The following CEP120 variants were observed in gnomAD, a reference collection of about 807,000 sequenced individuals.
CEP120 encodes centrosomal protein 120.
CEP120 carries 113 observed loss-of-function variants against 126.5 expected under a neutral mutation model. The observed-to-expected ratio is 0.89, with a 90% CI of 0.77 to 1.04. The LOEUF is 1.04. Ranked by LOEUF, CEP120 falls within the 50% of genes least tolerant of loss-of-function variation. The pLI, the probability that CEP120 is intolerant of heterozygous loss-of-function variation, is 0.00. For synonymous variants in CEP120, 400 were observed against 394.3 expected (o/e 1.01, Z -0.17); for missense variants, 1,230 against 1,155.7 (o/e 1.06, Z -0.93).
At chr5:123,400,225 T>C (rs983208460) in intron 4 of CEP120, among the ~76,000 whole-genome samples, 5 of 152,142 alleles carry the variant, frequency 3.3e-5, no homozygotes, top group African/African-American at 1.2e-4. Context: ...AGACCAAGGT[T>C]CCAATCCCAG....
At chr5:123,395,058 G>T (rs1772683393) in intron 5 of CEP120, among the ~76,000 whole-genome samples, 1 of 152,182 alleles carries the variant, frequency 6.6e-6, no homozygotes, top group African/African-American at 2.4e-5. Flanking sequence ...TTCTGGAGGG[G>T]TTTAGAGAAG....
intron 4 of CEP120, among the ~76,000 whole-genome samples, chr5:123,411,555 T>G (rs1774060556): frequency 6.6e-6 from 1 of 152,198 alleles, no homozygotes; most frequent in South Asian, 2.1e-4. Flanking sequence ...GTAACTTACA[T>G]GCACTTATGA....
In CEP120 at chr5:123,388,588, G is replaced by C. The variant is rs1196167686; in HGVS notation, c.1274C>G (p.Ala425Gly). ...TGTAGTCACTAGCTGGGCCAGTGAAGCAGGTACAGAAGAACTGGCTGAAAT... is the reference window on the plus strand; with the variant it reads ...TGTAGTCACTAGCTGGGCCAGTGAACCAGGTACAGAAGAACTGGCTGAAAT... ...PNPKASSSVP[A>G]SLAQLVTTSN... Residue 425 changes from alanine to glycine, a missense_variant, in exon 9 of 20, where the codon GCT (alanine) becomes GGT (glycine). Physicochemically the swap from Ala to Gly is moderately conservative, Grantham distance 60. Coordinates refer to ENST00000306467, the MANE Select transcript of CEP120 (RefSeq NM_001375405.1). The C allele has an allele frequency of 6.3e-6, 10 of 1,583,828 alleles. No individual in the cohort carries two copies. Among genetic ancestry groups the C allele is most frequent in the Middle Eastern group, 1.7e-4 (1 of 5,942 alleles).
At position 123,412,413 on chromosome 5, in the gene CEP120, G is replaced by T; in HGVS notation, c.449C>A (p.Pro150His). ...VDSFKAKGAP[P>H]RDGKVPAILA... is the part of the protein sequence containing the mutation. The stretch of plus-strand genomic sequence containing the variant: ...GATGCACAAACCTTTTCCATCTCGA[G>T]GGGGAGCCCCCTTTGCTTTAAAGCT... Residue 150 changes from proline to histidine, a missense_variant, in exon 4 of 20, where the codon CCT (proline) becomes CAT (histidine). Transcript: ENST00000306467. 6.2e-7 allele frequency: 1 copy of T among 1,600,132 alleles called. No homozygotes were observed. The highest frequency in any genetic ancestry group is 8.5e-7 in the Non-Finnish European group (1 of 1,175,778).
intron 17 of CEP120, among the ~76,000 whole-genome samples, chr5:123,371,986 G>C (rs773327754): frequency 5.3e-5 from 8 of 152,066 alleles, no homozygotes; most frequent in Non-Finnish European, 1.0e-4. Flanking sequence ...GGTCAAACTT[G>C]TCTATTGGAC....
intron 18 of CEP120, among the ~76,000 whole-genome samples, chr5:123,357,851 G>A (rs1769756014): frequency 1.3e-5 from 2 of 152,058 alleles, no homozygotes; most frequent in African/African-American, 4.8e-5. Flanking sequence ...CAACCAAACT[G>A]AAAAATTTAA....
chr5:123,417,705 A>G (rs1008597407), intron 2 of CEP120, among the ~76,000 whole-genome samples: 2 of 151,622 alleles, frequency 1.3e-5, no homozygotes, highest in East Asian at 3.9e-4. Flanking sequence ...CTACTGTCTC[A>G]CACATTAGGA....
rs181561367 is a variant in CEP120 at position 123,413,536 on chromosome 5, T to C, written c.322-996A>G. On this transcript the variant is annotated intron_variant, in intron 3 of 19. Coordinates refer to ENST00000306467, the MANE Select transcript of CEP120 (RefSeq NM_001375405.1). ...AAAAATATCATGCCTACATATATTA[T>C]TAGGGCAGGAACCACTGATCAGTGG... is the stretch of plus-strand genomic sequence containing the variant. 8.5e-5 allele frequency among the ~76,000 whole-genome samples: 13 copies of C among 152,196 alleles called. No individual in the cohort carries two copies. The East Asian group carries it at 2.1e-3, about 25-fold the overall frequency.
At chr5:123,409,992 C>CA (rs1554105684) in intron 4 of CEP120, among the ~76,000 whole-genome samples, 8,437 of 82,490 alleles carry the variant, frequency 0.1, 561 homozygotes, top group Non-Finnish European at 0.14. Flanking sequence ...AAAAAAAAAA[C>CA]CACACACACA....
Position 123,386,524 on chromosome 5 carries a change from A to C in CEP120, c.1574T>G (p.Phe525Cys). The change falls in exon 10 of 20, where the codon TTC (phenylalanine) becomes TGC (cysteine). Residue 525 changes from phenylalanine to cysteine, a missense_variant. Transcript: ENST00000306467. Reference sequence around the variant, plus strand: ...CATACACTGTATGCATTACCTTAAGAAGGTGTCTTGCAGCTGATGAGGCAT... The same window carrying C: ...CATACACTGTATGCATTACCTTAAGCAGGTGTCTTGCAGCTGATGAGGCAT... ...ATMPHQLQDT[F>C]LRIPLLVELW... The C allele has an allele frequency of 6.4e-7, 1 of 1,564,316 alleles. No individual in the cohort carries two copies. The highest frequency in any genetic ancestry group is 1.2e-5 in the South Asian group (1 of 81,978).
chr5:123,400,095 A>T (rs1249123345), intron 4 of CEP120, among the ~76,000 whole-genome samples: 2 of 152,216 alleles, frequency 1.3e-5, no homozygotes, highest in South Asian at 2.1e-4. Flanking sequence ...AAAATTTTAC[A>T]TGTGCATACC....
intron 4 of CEP120, among the ~76,000 whole-genome samples, chr5:123,406,199 G>C (rs997539705): frequency 2.0e-5 from 3 of 149,956 alleles, no homozygotes; most frequent in Admixed American, 2.0e-4. Flanking sequence ...CCACAGAACA[G>C]AACAGAACAT....
rs763708338 is a variant in CEP120 at position 123,423,045 on chromosome 5, G to A, written c.-47C>T. ...GGCGAAGGCGGCTGGGGGGAAGTGA[G>A]GTCCAGTTGAGTCGCGGGTAATCCG... On this transcript the variant is annotated 5_prime_UTR_variant, in exon 1 of 20. Transcript: ENST00000306467. 45 of 1,547,676 alleles carry A rather than the reference G, an allele frequency of 2.9e-5. 1 individual carries two copies. The Middle Eastern group carries it at 1.4e-3, about 48-fold the overall frequency.
chr5:123,421,498 C>T (rs1167844265), intron 1 of CEP120, among the ~76,000 whole-genome samples: 1 of 152,196 alleles, frequency 6.6e-6, no homozygotes, highest in African/African-American at 2.4e-5. Flanking sequence ...AAATGAATTG[C>T]ATTTATGTCC....
Position 123,364,535 on chromosome 5 carries a change from C to G in CEP120, c.2541G>C (p.Gln847His). The G allele has an allele frequency of 6.2e-7, 1 of 1,607,466 alleles. No homozygotes were observed. Among genetic ancestry groups the G allele is most frequent in the South Asian group, 1.1e-5 (1 of 90,760 alleles). ...ATKSKLHYKQ[Q>H]WGRALKELAR... ...CAAGTTCTTTCAAAGCTCGTCCCCA[C>G]TGCTGCTTGTAATGCAGTTTAGACT... The change falls in exon 18 of 20, where the codon CAG (glutamine) becomes CAC (histidine). Residue 847 changes from glutamine (Q) to histidine (H), a missense_variant. By Grantham distance (24) the Gln-to-His change is conservative. Transcript: ENST00000306467.
rs142361870 is a variant in CEP120 at position 123,398,364 on chromosome 5, G to T, written c.612+772C>A. 2.3e-3 allele frequency among the ~76,000 whole-genome samples: 346 copies of T among 152,246 alleles called. 4 individuals carry two copies. The highest frequency in any genetic ancestry group is 8.0e-3 in the African/African-American group (333 of 41,546). On this transcript the variant is annotated intron_variant, in intron 5 of 19. Transcript: ENST00000306467. The stretch of plus-strand genomic sequence containing the variant: ...TCCCTGGACATTCTTGCAGAGTATG[G>T]CAAGACTGCAAGGCCCAGACCACTC...
At chr5:123,400,788 CG>C in intron 4 of CEP120, 1 of 704,366 alleles carries the variant, frequency 1.4e-6, no homozygotes, top group Non-Finnish European at 2.5e-6. Context: ...AACTCCCCCG[CG>C]GGTGGACTGA....
At chr5:123,402,858 G>A (rs1323166522) in intron 4 of CEP120, among the ~76,000 whole-genome samples, 2 of 152,226 alleles carry the variant, frequency 1.3e-5, no homozygotes, top group African/African-American at 4.8e-5. Context: ...TAGGTCATGA[G>A]AGCTCCTCCC....
rs1279297912 is a variant in CEP120 at position 123,423,292 on chromosome 5, TGCGTAGCCGCTTTTCAAACGCCCG to T, written c.-318_-295del. On this transcript the variant is annotated 5_prime_UTR_variant, in exon 1 of 20. Coordinates refer to ENST00000306467, the MANE Select transcript of CEP120 (RefSeq NM_001375405.1). ...CGCCACCCGAGGACCTTTTGCCGCC[TGCGTAGCCGCTTTTCAAACGCCCG>T]GGCGGCCGCAGCGGCCGCCGCCGCG... 7.1e-6 allele frequency: 3 copies of T among 422,688 alleles called. No individual in the cohort carries two copies. The highest frequency in any genetic ancestry group is 4.1e-5 in the Admixed American group (1 of 24,124). The allele number at this position is 422,688 out of a possible 1,614,324, so 26.2% of individuals were successfully genotyped here. A position where few individuals can be genotyped will look rare whatever the true frequency, so the allele number is the denominator to read the frequency against.
Sources: gnomAD v4.1 joint callset for allele counts (sites outside exome capture counted in the v4.1 genomes callset) on GRCh38, gnomAD v4.1.1 for gene constraint, MANE v1.5 for transcripts, NCBI Gene and HGNC (gene_info 2026-07-23, HGNC 2026-07-21) for gene names.